AOX1: variants seen among roughly 807,000 people sequenced by gnomAD.
AOX1 encodes the protein aldehyde oxidase 1, also known as aldehyde oxidase.
In AOX1, 153 loss-of-function variants were observed where a neutral mutation model predicts 169.5. The ratio of observed to expected loss-of-function variants is 0.90; its 90% CI spans 0.79 to 1.03. AOX1 has a LOEUF of 1.03. Ranked by LOEUF, AOX1 falls within the 50% of genes least tolerant of loss-of-function variation. The probability of loss-of-function intolerance (pLI) is 0.00; values close to 1 mark genes in which losing one functional copy is unlikely to be tolerated. For synonymous variants in AOX1, 562 were observed against 581.9 expected, an observed-to-expected ratio of 0.97 and a Z score of 0.49; for missense variants, 1,656 against 1,663.9, an observed-to-expected ratio of 1.00 and a Z score of 0.08.
At chr2:200,630,548 G>GAGGAAGGAAGGA (rs67400406) in intron 20 of AOX1, among the ~76,000 whole-genome samples, 5,337 of 120,246 alleles carry the variant, frequency 0.044, 152 homozygotes, top group Admixed American at 0.054. Flanking sequence ...GGAAGGAAGG[G>GAGGAAGGAAGGA]AGGAAGGAAG....
chr2:200,643,961 C>T (rs879717115), intron 25 of AOX1, among the ~76,000 whole-genome samples: 4 of 149,382 alleles, frequency 2.7e-5, no homozygotes, highest in Non-Finnish European at 5.9e-5. Flanking sequence ...GGATATTAGT[C>T]CTTTGTCAGA....
rs534738455 is a variant in AOX1, at chr2:200,615,385, C to T, written c.1612-586C>T. Among the ~76,000 whole-genome samples the T allele has an allele frequency of 1.0e-3, 158 of 152,208 alleles. No homozygotes were observed. In the South Asian group the frequency reaches 0.011, roughly 11 times the overall value. On this transcript the variant is annotated intron_variant, in intron 15 of 34. Coordinates refer to ENST00000374700, the MANE Select transcript of AOX1 (RefSeq NM_001159.4). ...ATTGTTGAAAGCCTTTCCCCCCATC[C>T]AGCTCTAGGCTGTGCAATGTTCAGT...
intron 18 of AOX1, among the ~76,000 whole-genome samples, chr2:200,621,785 G>A (rs2034892178): frequency 6.6e-6 from 1 of 151,030 alleles, no homozygotes; most frequent in South Asian, 2.1e-4. Flanking sequence ...TGGAGTTTCT[G>A]TTTGTCACCC....
intron 30 of AOX1, among the ~76,000 whole-genome samples, chr2:200,662,516 G>T (rs2241080): frequency 1.3e-5 from 2 of 151,798 alleles, no homozygotes; most frequent in African/African-American, 2.4e-5. Flanking sequence ...TTGAAATAGC[G>T]TTTGGTGTAA....
At chr2:200,627,305 G>A (rs779564180) in intron 19 of AOX1, 48 bp from the exon 20 acceptor site, 5 of 1,315,872 alleles carry the variant, frequency 3.8e-6, no homozygotes, top group Non-Finnish European at 5.5e-6. Flanking sequence ...GCTGCCCTAG[G>A]GCAGGGTCTC....
chr2:200,668,813 G>A lies in AOX1; in HGVS notation c.3798+10G>A. On this transcript the variant is annotated intron_variant, in intron 33 of 34. Coordinates refer to ENST00000374700, the MANE Select transcript of AOX1 (RefSeq NM_001159.4). ...TCTTTATTCATCTAAGGTAAGTAAT[G>A]TTCTATGGGTAAATATGCATGTTTA... 6.2e-7 allele frequency: 1 copy of A among 1,610,942 alleles called. No homozygotes were observed. Among genetic ancestry groups the A allele is most frequent in the South Asian group, 1.1e-5 (1 of 90,868 alleles).
chr2:200,623,815 C>T (rs1310652589), intron 18 of AOX1, 46 bp from the exon 19 acceptor site: 3 of 1,611,262 alleles, frequency 1.9e-6, no homozygotes, highest in Non-Finnish European at 2.5e-6. Flanking sequence ...AAAGAGAGGA[C>T]CTGATGCCTG....
intron 25 of AOX1, among the ~76,000 whole-genome samples, chr2:200,648,812 T>C (rs1253437293): frequency 6.6e-6 from 1 of 152,054 alleles, no homozygotes; most frequent in Non-Finnish European, 1.5e-5. Context: ...TGGAGTTGTG[T>C]ACCTAGGAGG....
chr2:200,613,025 T>TAAGAGA (rs560788091), intron 14 of AOX1, among the ~76,000 whole-genome samples: 3 of 95,834 alleles, frequency 3.1e-5, no homozygotes, highest in Admixed American at 2.0e-4. Context: ...TGTGTGTGTG[T>TAAGAGA]GTGAGAGAGA....
In AOX1 at chr2:200,613,871, T is replaced by C; in HGVS notation, c.1516T>C (p.Ser506Pro). 6.2e-7 allele frequency: 1 copy of C among 1,612,714 alleles called. No individual in the cohort carries two copies. Among genetic ancestry groups the C allele is most frequent in the Non-Finnish European group, 8.5e-7 (1 of 1,179,962 alleles). The stretch of plus-strand genomic sequence containing the variant: ...TCTGAATGAAGTCTCCCTTTTGGGC[T>C]CGGCGCCAGGTGGGAAAGTGGAGTT... ...LILNEVSLLGSAPGGKVEFKR... is the reference protein window; with the variant it reads ...LILNEVSLLGPAPGGKVEFKR... The change falls in exon 15 of 35, where the codon TCG (serine) becomes CCG (proline). Residue 506 changes from serine to proline, a missense_variant. Coordinates refer to ENST00000374700, the MANE Select transcript of AOX1 (RefSeq NM_001159.4).
intron 23 of AOX1, among the ~76,000 whole-genome samples, chr2:200,638,615 C>A (rs920393572): frequency 6.6e-6 from 1 of 152,164 alleles, no homozygotes; most frequent in Non-Finnish European, 1.5e-5. Context: ...TACCATACTT[C>A]TTCCCACATA....
chr2:200,666,594 T>C lies in AOX1; in HGVS notation c.3544-93T>C. 5.2e-6 allele frequency: 4 copies of C among 773,970 alleles called. No homozygotes were observed. In the East Asian group the frequency reaches 1.2e-4, roughly 23 times the overall value. The allele number at this position is 773,970 out of a possible 1,614,324, so 47.9% of individuals were successfully genotyped here. ...TGACATGGCTGAAAGAAAGGCTTTA[T>C]ACCAAAGTCAGCCTGGCAGGAAGTG... On this transcript the variant is annotated intron_variant, in intron 31 of 34. Coordinates refer to ENST00000374700, the MANE Select transcript of AOX1 (RefSeq NM_001159.4).
At chr2:200,598,743 CA>C (rs370497141) in intron 4 of AOX1, among the ~76,000 whole-genome samples, 1,421 of 108,542 alleles carry the variant, frequency 0.013, 9 homozygotes, top group Non-Finnish European at 0.016. Context: ...GACTCTGTCT[CA>C]AAAAAAAAAA....
In AOX1 at chr2:200,603,312, G is replaced by C. The variant is rs980368912; in HGVS notation, c.544G>C (p.Asp182His). ...QSKENGVCCL[D>H]QGINGLPEFE... is the part of the protein sequence containing the mutation. ...TAAAGAAAATGGGGTTTGCTGTTTG[G>C]ATCAAGGAATCAATGGATTGCCAGA... The change falls in exon 7 of 35, where the codon GAT becomes CAT. Residue 182 changes from aspartate (D) to histidine (H), a missense_variant. Physicochemically the swap from Asp to His is moderately conservative, Grantham distance 81 (BLOSUM62 -1). Coordinates refer to ENST00000374700, the MANE Select transcript of AOX1 (RefSeq NM_001159.4). The C allele has an allele frequency of 1.2e-6, 2 of 1,613,868 alleles. No homozygotes were observed. The highest frequency in any genetic ancestry group is 1.7e-6 in the Non-Finnish European group (2 of 1,179,942).
chr2:200,651,298 A>G (rs1313812678), intron 26 of AOX1, 97 bp downstream of exon 26: 4 of 994,206 alleles, frequency 4.0e-6, no homozygotes, highest in Non-Finnish European at 6.1e-6. Flanking sequence ...TATTAGCCAT[A>G]TGGTTGCAAT....
At chr2:200,598,801 G>A (rs540633806) in intron 4 of AOX1, among the ~76,000 whole-genome samples, 8 of 151,824 alleles carry the variant, frequency 5.3e-5, no homozygotes, top group African/African-American at 1.4e-4. Context: ...GATCAAATAT[G>A]AGAAAAGATA....
At chr2:200,589,552 A>T (rs888514612) in intron 1 of AOX1, among the ~76,000 whole-genome samples, 1 of 152,130 alleles carries the variant, frequency 6.6e-6, no homozygotes, top group Non-Finnish European at 1.5e-5. Flanking sequence ...TGCAAAATGG[A>T]GCTAATAACA....
intron 16 of AOX1, among the ~76,000 whole-genome samples, chr2:200,620,323 C>T (rs540737687): frequency 7.2e-5 from 11 of 151,832 alleles, no homozygotes; most frequent in Non-Finnish European, 8.8e-5. Context: ...CTCAGCCTCC[C>T]GAGTAGCTGG....
chr2:200,590,963 G>T (rs1014202748), intron 1 of AOX1, among the ~76,000 whole-genome samples: 2 of 152,166 alleles, frequency 1.3e-5, no homozygotes. Flanking sequence ...CAAGTAGCGG[G>T]AAGGAAGGAA....
Sources: allele counts gnomAD v4.1 joint callset (sites outside exome capture counted in the v4.1 genomes callset), GRCh38; gene constraint gnomAD v4.1.1; transcripts MANE v1.5; gene names NCBI Gene and HGNC (gene_info 2026-07-23, HGNC 2026-07-21).